Variants in GPC5 observed in about 807,000 individuals in gnomAD.
The protein encoded by GPC5 is glypican 5, also known as glypican-5.
Under a neutral mutation model 53.9 loss-of-function variants are expected in GPC5, and 47 were observed. The observed-to-expected ratio is 0.87, with a 90% CI of 0.69 to 1.11. GPC5 has a LOEUF of 1.11. GPC5 is among the 50% of genes most tolerant of loss of function. The pLI is 0.00. For synonymous variants in GPC5, 286 were observed against 263.3 expected (o/e 1.09, Z -0.84); for missense variants, 748 against 713.1 (o/e 1.05, Z -0.56).
intron 2 of GPC5, among the ~76,000 whole-genome samples, chr13:91,656,284 A>T (rs11843736): frequency 2.0e-5 from 3 of 152,198 alleles, no homozygotes; most frequent in Non-Finnish European, 4.4e-5. Flanking sequence ...TGGAATAGCC[A>T]TATTGGCATC....
intron 3 of GPC5, among the ~76,000 whole-genome samples, chr13:91,714,787 G>GGGCTT (rs1370014261): frequency 6.6e-6 from 1 of 152,142 alleles, no homozygotes; most frequent in Non-Finnish European, 1.5e-5. Flanking sequence ...CAGGACAGGT[G>GGGCTT]AGGCCCCAAC....
intron 2 of GPC5, among the ~76,000 whole-genome samples, chr13:91,553,515 G>C (rs574962919): frequency 2.9e-4 from 44 of 152,132 alleles, no homozygotes; most frequent in African/African-American, 1.0e-3. Context: ...CTGTCACCCA[G>C]TTCAATCTGT....
intron 7 of GPC5, among the ~76,000 whole-genome samples, chr13:92,585,814 G>A (rs1883520071): frequency 6.6e-6 from 1 of 152,152 alleles, no homozygotes; most frequent in South Asian, 2.1e-4. Context: ...CACAAGATCT[G>A]ATGGTAAGGG....
At chr13:91,750,905 G>A (rs1056214641) in intron 4 of GPC5, among the ~76,000 whole-genome samples, 7 of 151,818 alleles carry the variant, frequency 4.6e-5, no homozygotes, top group African/African-American at 7.3e-5. Context: ...CAGGTGATTC[G>A]CCCACATTGG....
intron 7 of GPC5, among the ~76,000 whole-genome samples, chr13:92,384,374 TTTTG>T (rs1250205212): frequency 1.9e-4 from 29 of 152,206 alleles, no homozygotes; most frequent in East Asian, 1.9e-4. Context: ...TCTTATAAGT[TTTTG>T]TTTGTTTTTT....
chr13:92,839,021 T>C (rs1343509803), intron 7 of GPC5, among the ~76,000 whole-genome samples: 1 of 152,168 alleles, frequency 6.6e-6, no homozygotes, highest in Non-Finnish European at 1.5e-5. Flanking sequence ...CACAAAATAT[T>C]TGCGGAGTAG....
chr13:91,499,435 C>G (rs992910537), intron 2 of GPC5, among the ~76,000 whole-genome samples: 3 of 152,178 alleles, frequency 2.0e-5, no homozygotes, highest in Non-Finnish European at 4.4e-5. Flanking sequence ...GGAAATACCA[C>G]AGTTTCTGCT....
At chr13:91,770,797 T>C (rs2037611101) in intron 5 of GPC5, among the ~76,000 whole-genome samples, 2 of 151,964 alleles carry the variant, frequency 1.3e-5, no homozygotes, top group Non-Finnish European at 2.9e-5. Flanking sequence ...TTGAATGCTT[T>C]ATGAAGGGTA....
At chr13:92,202,648 T>G (rs2042303680) in intron 7 of GPC5, among the ~76,000 whole-genome samples, 1 of 152,206 alleles carries the variant, frequency 6.6e-6, no homozygotes, top group Admixed American at 6.5e-5. Context: ...AGTGCCCATT[T>G]ATTGAAAATG....
At chr13:92,386,536 T>C (rs759409465) in intron 7 of GPC5, among the ~76,000 whole-genome samples, 1 of 152,064 alleles carries the variant, frequency 6.6e-6, no homozygotes, top group South Asian at 2.1e-4. Flanking sequence ...GGCGGACTTA[T>C]TTTTAATATA....
chr13:91,955,494 C>A (rs1046774276), intron 6 of GPC5, among the ~76,000 whole-genome samples: 3 of 152,102 alleles, frequency 2.0e-5, no homozygotes, highest in Non-Finnish European at 2.9e-5. Flanking sequence ...ACAGGAAACA[C>A]CCAAATCAAG....
At chr13:92,578,390 A>C (rs1883254205) in intron 7 of GPC5, among the ~76,000 whole-genome samples, 1 of 152,194 alleles carries the variant, frequency 6.6e-6, no homozygotes. Context: ...TGATACAGAT[A>C]GATTAGATAA....
intron 7 of GPC5, among the ~76,000 whole-genome samples, chr13:92,793,905 C>CA (rs1688556624): frequency 1.3e-5 from 2 of 151,998 alleles, no homozygotes; most frequent in East Asian, 1.9e-4. Context: ...GCCTACCAAC[C>CA]AAAAAAAGTC....
At chr13:92,547,034 C>T (rs1332255997) in intron 7 of GPC5, among the ~76,000 whole-genome samples, 1 of 152,118 alleles carries the variant, frequency 6.6e-6, no homozygotes, top group African/African-American at 2.4e-5. Context: ...GGATTAAAGA[C>T]TTAAATTTTA....
In GPC5 at chr13:92,297,682, C is replaced by T. The variant is rs944465256; in HGVS notation, c.1561+152693C>T. ...CAGGGATTGTAAACGCACCAATCAG[C>T]GCCCTGACAAAACAGGCCTCTCGGC... On this transcript the variant is annotated intron_variant, in intron 7 of 7. Coordinates refer to ENST00000377067, the MANE Select transcript of GPC5 (RefSeq NM_004466.6). Among the ~76,000 whole-genome samples, 24 of 152,230 alleles carry T rather than the reference C, an allele frequency of 1.6e-4. No individual in the cohort carries two copies. The South Asian group carries it at 1.9e-3, about 12-fold the overall frequency.
At chr13:91,582,449 T>A (rs1378138225) in intron 2 of GPC5, among the ~76,000 whole-genome samples, 2 of 151,476 alleles carry the variant, frequency 1.3e-5, no homozygotes, top group African/African-American at 2.4e-5. Flanking sequence ...AAAACAGACA[T>A]GAGAACACTT....
chr13:91,721,117 CTTTCTTTCT>C (rs1251749889), intron 3 of GPC5, among the ~76,000 whole-genome samples: 2 of 80,516 alleles, frequency 2.5e-5, no homozygotes, highest in African/African-American at 4.3e-5. Context: ...TTCTTTCTTT[CTTTCTTTCT>C]TTCTTTCTTT....
intron 7 of GPC5, among the ~76,000 whole-genome samples, chr13:92,472,395 A>G (rs556128850): frequency 1.6e-4 from 24 of 152,194 alleles, no homozygotes; most frequent in African/African-American, 5.3e-4. Context: ...GTTGTTATGA[A>G]GATTAAATAA....
intron 6 of GPC5, among the ~76,000 whole-genome samples, chr13:92,070,152 C>T (rs537660596): frequency 3.9e-5 from 6 of 152,270 alleles, no homozygotes; most frequent in Admixed American, 1.3e-4. Context: ...GGAACAGAGA[C>T]AGTCTCTAGG....
Sources: gnomAD v4.1 joint callset for allele counts (sites outside exome capture counted in the v4.1 genomes callset) on GRCh38, gnomAD v4.1.1 for gene constraint, MANE v1.5 for transcripts, NCBI Gene and HGNC (gene_info 2026-07-23, HGNC 2026-07-21) for gene names.